The following KSR1 variants were observed in gnomAD, a reference collection of about 807,000 sequenced individuals.
KSR1 encodes the protein kinase suppressor of ras.
Under a neutral mutation model 92.9 loss-of-function variants are expected in KSR1, and 35 were observed. The observed-to-expected ratio is 0.38, with a 90% CI of 0.29 to 0.50. The LOEUF (loss-of-function observed/expected upper bound fraction) is 0.50, where lower values mean the gene tolerates loss of function less well. Among genes scored for constraint, KSR1 ranks in the 20% least tolerant of loss-of-function variants. The pLI is 0.94. For synonymous variants in KSR1, 467 were observed against 472.6 expected (o/e 0.99, Z 0.15); for missense variants, 972 against 1,158.5 (o/e 0.84, Z 2.34).
chr17:27,526,046 C>CTTTTCTTTTCTTTTCTTT (rs1555576231), intron 1 of KSR1, among the ~76,000 whole-genome samples: 13 of 60,572 alleles, frequency 2.1e-4, no homozygotes, highest in African/African-American at 6.1e-4. Flanking sequence ...TCTTTTCTTT[C>CTTTTCTTTTCTTTTCTTT]TCTCTCTCTC....
rs2019314432 is a variant in KSR1 at position 27,459,061 on chromosome 17, A to G, written c.231+2187A>G. 6.6e-6 allele frequency among the ~76,000 whole-genome samples: 1 copy of G among 152,172 alleles called. No homozygotes were observed. Among genetic ancestry groups the G allele is most frequent in the Non-Finnish European group, 1.5e-5 (1 of 68,022 alleles). On this transcript the variant is annotated intron_variant, in intron 1 of 20. Transcript: ENST00000644974. This position sits in a 1 kb window ranked among gnomAD's most constrained non-coding sequence, Gnocchi z 4.6. ...TACTGAACCCATAACATAGGGGTTA[A>G]GTTTATTAGAAGAATCTTTGCCATA...
At chr17:27,481,658 G>A (rs916670772) in intron 1 of KSR1, among the ~76,000 whole-genome samples, 15 of 152,118 alleles carry the variant, frequency 9.9e-5, no homozygotes, top group African/African-American at 2.4e-5. Context: ...TCCATGCCAT[G>A]GAAACTCATC....
At chr17:27,532,359 G>A (rs1164833476) in intron 1 of KSR1, among the ~76,000 whole-genome samples, 3 of 152,212 alleles carry the variant, frequency 2.0e-5, no homozygotes, top group Non-Finnish European at 4.4e-5. Context: ...AACAGGCCGT[G>A]GGAGAACTGG....
intron 20 of KSR1, 138 bp downstream of exon 20, chr17:27,621,411 C>A (rs896283048): frequency 5.1e-6 from 2 of 394,646 alleles, no homozygotes; most frequent in East Asian, 7.2e-5. Context: ...GAGGTTTCTG[C>A]AGCTGAAATG....
intron 18 of KSR1, among the ~76,000 whole-genome samples, chr17:27,614,775 G>A (rs1025092207): frequency 6.6e-6 from 1 of 152,220 alleles, no homozygotes; most frequent in South Asian, 2.1e-4. Flanking sequence ...TGGGATCAGG[G>A]CGTGGGGAGT....
chr17:27,599,065 T>C (rs1483686948), intron 10 of KSR1, among the ~76,000 whole-genome samples: 3 of 152,256 alleles, frequency 2.0e-5, no homozygotes, highest in Non-Finnish European at 4.4e-5. Context: ...GTGAGCATCA[T>C]AGAGCGCACT....
chr17:27,528,679 T>C (rs892352326), intron 1 of KSR1, among the ~76,000 whole-genome samples: 1 of 152,090 alleles, frequency 6.6e-6, no homozygotes, highest in Non-Finnish European at 1.5e-5. Context: ...AAGGAGGATC[T>C]CTTGAGCCCA....
chr17:27,530,129 CT>C (rs2070475436), intron 1 of KSR1, among the ~76,000 whole-genome samples: 1 of 152,200 alleles, frequency 6.6e-6, no homozygotes, highest in African/African-American at 2.4e-5. Context: ...CTTTCCGCAT[CT>C]TTGCCTTTGG....
chr17:27,516,853 G>A (rs542852585), intron 1 of KSR1, among the ~76,000 whole-genome samples: 51 of 152,180 alleles, frequency 3.4e-4, no homozygotes, highest in African/African-American at 1.2e-3. Context: ...ATACATTTTC[G>A]TGAGACATAA....
At chr17:27,458,878 CA>C (rs2019305866) in intron 1 of KSR1, among the ~76,000 whole-genome samples, 2 of 152,288 alleles carry the variant, frequency 1.3e-5, no homozygotes, top group South Asian at 4.1e-4. Flanking sequence ...ACCTGCAAAA[CA>C]AGGAGGCTGG....
At chr17:27,515,184 G>A (rs891742823) in intron 1 of KSR1, among the ~76,000 whole-genome samples, 1 of 152,202 alleles carries the variant, frequency 6.6e-6, no homozygotes, top group East Asian at 1.9e-4. Flanking sequence ...AAACATTCTT[G>A]TAAGCACTAA....
chr17:27,521,487 C>T (rs980774244), intron 1 of KSR1, among the ~76,000 whole-genome samples: 2 of 146,874 alleles, frequency 1.4e-5, no homozygotes, highest in African/African-American at 5.0e-5. Context: ...CCATTGCCCA[C>T]GTTGGAGTGC....
intron 1 of KSR1, among the ~76,000 whole-genome samples, chr17:27,539,825 T>C (rs2070893160): frequency 6.6e-6 from 1 of 152,242 alleles, no homozygotes; most frequent in African/African-American, 2.4e-5. Context: ...GACAGATCAT[T>C]TACTGACTTT....
chr17:27,614,806 G>A (rs534587289), intron 18 of KSR1, among the ~76,000 whole-genome samples: 9 of 152,146 alleles, frequency 5.9e-5, no homozygotes, highest in Non-Finnish European at 1.2e-4. Context: ...CAGATGCTCC[G>A]GCAGCAGCTT....
intron 1 of KSR1, among the ~76,000 whole-genome samples, chr17:27,523,256 CG>C (rs2070114863): frequency 1.3e-5 from 2 of 152,060 alleles, no homozygotes; most frequent in African/African-American, 2.4e-5. Context: ...CAATAAATGA[CG>C]GTTTACACAG....
chr17:27,562,810 A>T (rs956553906), intron 2 of KSR1, among the ~76,000 whole-genome samples: 4 of 152,206 alleles, frequency 2.6e-5, no homozygotes, highest in Admixed American at 6.5e-5. Context: ...AGGCCACAGG[A>T]TTGGGAAACA....
At chr17:27,533,125 G>A (rs2070612312) in intron 1 of KSR1, among the ~76,000 whole-genome samples, 1 of 152,188 alleles carries the variant, frequency 6.6e-6, no homozygotes, top group Admixed American at 6.5e-5. Flanking sequence ...AGCATGGGCT[G>A]AGCAGCTGAA....
chr17:27,481,058 C>T (rs1035645623), intron 1 of KSR1, among the ~76,000 whole-genome samples: 1 of 152,206 alleles, frequency 6.6e-6, no homozygotes, highest in African/African-American at 2.4e-5. Flanking sequence ...TTATTATTTA[C>T]ATCTCTTGAC....
chr17:27,483,382 G>T (rs931428150), intron 1 of KSR1, among the ~76,000 whole-genome samples: 9 of 152,114 alleles, frequency 5.9e-5, no homozygotes, highest in African/African-American at 1.9e-4. Context: ...GAGGTCGGGA[G>T]TTCGAGACCA....
Sources: gnomAD v4.1 joint callset for allele counts (sites outside exome capture counted in the v4.1 genomes callset) on GRCh38, gnomAD v4.1.1 for gene constraint, Gnocchi (gnomAD v3.1) non-coding constraint, MANE v1.5 for transcripts, NCBI Gene and HGNC (gene_info 2026-07-23, HGNC 2026-07-21) for gene names.